Variants in CAMK2B observed in about 807,000 individuals in gnomAD.
CAMK2B encodes calcium/calmodulin dependent protein kinase II beta.
In CAMK2B, 27 loss-of-function variants were observed where a neutral mutation model predicts 93.7. That is an observed-to-expected ratio of 0.29 (90% CI 0.21 to 0.40). CAMK2B has a LOEUF of 0.40. CAMK2B is among the 10% of genes least tolerant of loss of function. The pLI is 1.00. For synonymous variants in CAMK2B, 374 were observed against 358.8 expected (o/e 1.04, Z -0.48); for missense variants, 568 against 895.8 (o/e 0.63, Z 4.67).
At chr7:44,287,493 C>T (rs58577638) in intron 1 of CAMK2B, among the ~76,000 whole-genome samples, 3,274 of 152,246 alleles carry the variant, frequency 0.022, 117 homozygotes, top group African/African-American at 0.074. Flanking sequence ...ACTTGCCAGA[C>T]GGCAATCTGT....
rs1275406955 is a variant in CAMK2B at position 44,311,625 on chromosome 7, C to T, written c.65+13732G>A. 6.6e-6 allele frequency among the ~76,000 whole-genome samples: 1 copy of T among 152,146 alleles called. No individual in the cohort carries two copies. Among genetic ancestry groups the T allele is most frequent in the East Asian group, 1.9e-4 (1 of 5,190 alleles). ...CTCTCCCAGCCCCAGCCCCGGGTAC[C>T]CAGAGGGGCTGTCCTGCCCCTGCGA... is the stretch of plus-strand genomic sequence containing the variant. On this transcript the variant is annotated intron_variant, in intron 1 of 23. Coordinates refer to ENST00000395749, the MANE Select transcript of CAMK2B (RefSeq NM_001220.5). This position sits in a 1 kb window ranked among gnomAD's most constrained non-coding sequence, Gnocchi z 4.2.
intron 19 of CAMK2B, among the ~76,000 whole-genome samples, chr7:44,228,543 G>C (rs1443634484): frequency 6.6e-6 from 1 of 152,098 alleles, no homozygotes; most frequent in Non-Finnish European, 1.5e-5. Context: ...GGGGCCTGGG[G>C]CTGGACAGCG....
intron 1 of CAMK2B, among the ~76,000 whole-genome samples, chr7:44,315,332 ATTC>A (rs2076561873): frequency 6.6e-6 from 1 of 152,172 alleles, no homozygotes; most frequent in African/African-American, 2.4e-5. Flanking sequence ...ATGGACCGTT[ATTC>A]TTCTCCACTG....
intron 2 of CAMK2B, among the ~76,000 whole-genome samples, chr7:44,277,876 T>C (rs551367665): frequency 2.6e-5 from 4 of 152,178 alleles, no homozygotes; most frequent in Non-Finnish European, 5.9e-5. Flanking sequence ...CCTCCCTGAA[T>C]AGCAGTGGGG....
intron 2 of CAMK2B, among the ~76,000 whole-genome samples, chr7:44,265,144 G>A (rs117682925): frequency 6.0e-4 from 91 of 152,252 alleles, no homozygotes; most frequent in African/African-American, 1.7e-3. Flanking sequence ...CAGAGCAATC[G>A]TGTACAGCAC....
chr7:44,221,591 T>C (rs1365611301), intron 20 of CAMK2B, among the ~76,000 whole-genome samples: 1 of 152,216 alleles, frequency 6.6e-6, no homozygotes, highest in African/African-American at 2.4e-5. Context: ...GCTTTTCTCA[T>C]AGGAGCCGCA....
At chr7:44,273,055 C>T (rs763580660) in intron 2 of CAMK2B, among the ~76,000 whole-genome samples, 10 of 152,356 alleles carry the variant, frequency 6.6e-5, no homozygotes, top group African/African-American at 1.7e-4. Context: ...TGTCCCCCAC[C>T]GGACTCTGCT....
At chr7:44,320,080 T>C (rs1795718097) in intron 1 of CAMK2B, among the ~76,000 whole-genome samples, 1 of 152,162 alleles carries the variant, frequency 6.6e-6, no homozygotes, top group South Asian at 2.1e-4. Context: ...TTGGTGTGTG[T>C]GTGTATGTGT....
intron 15 of CAMK2B, 113 bp from the exon 16 acceptor site, chr7:44,232,979 C>A (rs1291993499): frequency 2.1e-6 from 2 of 933,796 alleles, no homozygotes; most frequent in East Asian, 5.1e-5. Flanking sequence ...GTGGCCAGAG[C>A]CTGCGAGAAA....
chr7:44,313,605 A>G (rs1217630428), intron 1 of CAMK2B, among the ~76,000 whole-genome samples: 1 of 151,326 alleles, frequency 6.6e-6, no homozygotes, highest in Non-Finnish European at 1.5e-5. Context: ...TCAGTCACAC[A>G]GCCCTGAAAG....
At chr7:44,242,391 G>A in intron 9 of CAMK2B, 51 bp from the exon 10 acceptor site, 1 of 1,593,958 alleles carries the variant, frequency 6.3e-7, no homozygotes. Context: ...CTCTCAGGCA[G>A]GGGCAAGAAT....
intron 1 of CAMK2B, among the ~76,000 whole-genome samples, chr7:44,290,490 G>A (rs1420054601): frequency 2.0e-5 from 3 of 152,222 alleles, no homozygotes; most frequent in Admixed American, 6.5e-5. Context: ...GGCCACCTAC[G>A]TCCTTTCTTG....
chr7:44,221,459 G>A (rs865919714), intron 20 of CAMK2B, among the ~76,000 whole-genome samples: 2 of 149,852 alleles, frequency 1.3e-5, no homozygotes, highest in East Asian at 1.9e-4. Flanking sequence ...AAGGCCACCC[G>A]GAGGCCGGGG....
rs2096697304 is a variant in CAMK2B, at chr7:44,243,092, T to C, written c.601+158A>G. Among the ~76,000 whole-genome samples, 5 of 152,356 alleles carry C rather than the reference T, an allele frequency of 3.3e-5. No homozygotes were observed. In the South Asian group the frequency reaches 1.0e-3, roughly 32 times the overall value. On this transcript the variant is annotated intron_variant, in intron 8 of 23. Coordinates refer to ENST00000395749, the MANE Select transcript of CAMK2B (RefSeq NM_001220.5). Reference sequence around the variant, plus strand: ...TGGGTGGAAAGGGGGCTCTTGGCTGTGTGGGCAGACCCCTGCCAGGGCAGC... The same window carrying C: ...TGGGTGGAAAGGGGGCTCTTGGCTGCGTGGGCAGACCCCTGCCAGGGCAGC...
Position 44,325,360 on chromosome 7 carries a change from C to G in CAMK2B, c.62G>C (p.Gly21Ala). 1 of 1,257,922 alleles carries G rather than the reference C, an allele frequency of 7.9e-7. No individual in the cohort carries two copies. Among genetic ancestry groups the G allele is most frequent in the Non-Finnish European group, 1.0e-6 (1 of 971,250 alleles). 77.9% of individuals were successfully genotyped at this position (1,257,922 alleles called of 1,614,324 possible). ...CCGCGCGCGCCGCTGCTCTTACTTGCCAATATCCTCGTAGAGCTGGTACTC... is the reference window on the plus strand; with the variant it reads ...CCGCGCGCGCCGCTGCTCTTACTTGGCAATATCCTCGTAGAGCTGGTACTC... ...TDEYQLYEDI[G>A]KGAFSVVRRC... Residue 21 changes from glycine (G) to alanine (A), a missense_variant, in exon 1 of 24, where the codon GGC (glycine) becomes GCC (alanine). Physicochemically the swap from Gly to Ala is moderately conservative, Grantham distance 60 (BLOSUM62 0). Around this residue, in one of 4 missense-constraint regions of CAMK2B, gnomAD observed 39 missense variants for 43.4 expected, o/e 0.90. Coordinates refer to ENST00000395749, the MANE Select transcript of CAMK2B (RefSeq NM_001220.5).
Position 44,226,656 on chromosome 7 carries a change from C to G in CAMK2B, c.1469-12G>C, listed in dbSNP as rs1301439240. 3.3e-6 allele frequency: 5 copies of G among 1,532,730 alleles called. No individual in the cohort carries two copies. Among genetic ancestry groups the G allele is most frequent in the Non-Finnish European group, 3.5e-6 (4 of 1,149,040 alleles). 94.9% of individuals were successfully genotyped at this position (1,532,730 alleles called of 1,614,324 possible). On this transcript the variant is annotated splice_polypyrimidine_tract_variant and intron_variant, in intron 19 of 23. Coordinates refer to ENST00000395749, the MANE Select transcript of CAMK2B (RefSeq NM_001220.5). ...AGAGATCCTGGGGGCTGGGGCGGAACAGACGAGACGTGAACACAAGGCAGG... is the reference window on the plus strand; with the variant it reads ...AGAGATCCTGGGGGCTGGGGCGGAAGAGACGAGACGTGAACACAAGGCAGG...
At chr7:44,253,215 GT>G (rs528489020) in intron 5 of CAMK2B, among the ~76,000 whole-genome samples, 20 of 146,212 alleles carry the variant, frequency 1.4e-4, no homozygotes, top group African/African-American at 3.3e-4. Context: ...TTTTTTTTTG[GT>G]TTTTTTTTTT....
chr7:44,295,925 C>A (rs1788186157), intron 1 of CAMK2B, among the ~76,000 whole-genome samples: 1 of 152,170 alleles, frequency 6.6e-6, no homozygotes, highest in South Asian at 2.1e-4. Context: ...GGGGCAGGCA[C>A]AGGCTCGCTA....
upstream of CAMK2B, chr7:44,325,969 C>G (rs1450726808): frequency 1.3e-5 from 2 of 152,646 alleles, no homozygotes; most frequent in African/African-American, 4.8e-5. Flanking sequence ...CTGCCGACCC[C>G]TCGCTCTCAC....
Sources: gnomAD v4.1 joint callset for allele counts (sites outside exome capture counted in the v4.1 genomes callset) on GRCh38, gnomAD v4.1.1 for gene constraint, gnomAD v4.1.1 regional missense constraint, Gnocchi (gnomAD v3.1) non-coding constraint, MANE v1.5 for transcripts, NCBI Gene and HGNC (gene_info 2026-07-23, HGNC 2026-07-21) for gene names.